The following ATF3 variants were observed in gnomAD, a reference collection of about 807,000 sequenced individuals.
The protein encoded by ATF3 is cyclic AMP-dependent transcription factor ATF-3.
In ATF3, 10 loss-of-function variants were observed where a neutral mutation model predicts 18.4. The observed-to-expected ratio is 0.54, with a 90% CI of 0.34 to 0.92. The LOEUF (loss-of-function observed/expected upper bound fraction) is 0.92. ATF3 is among the 40% of genes least tolerant of loss of function. ATF3 has a pLI of 0.02. For missense variants in ATF3, 183 were observed against 222.3 expected, an observed-to-expected ratio of 0.82 and a Z score of 1.12; for synonymous variants, 78 against 87.9, an observed-to-expected ratio of 0.89 and a Z score of 0.63.
At chr1:212,566,374 C>T (rs912745877) in intron 1 of ATF3, among the ~76,000 whole-genome samples, 3 of 152,126 alleles carry the variant, frequency 2.0e-5, no homozygotes, top group African/African-American at 7.2e-5. Context: ...CGACCTTGGA[C>T]AAGGACACCC....
At chr1:212,580,999 C>T (rs977405868) in intron 1 of ATF3, among the ~76,000 whole-genome samples, 5 of 152,180 alleles carry the variant, frequency 3.3e-5, no homozygotes, top group Non-Finnish European at 5.9e-5. Context: ...GGACTCCTGG[C>T]CTCAAGTGAT....
At chr1:212,597,445 ATC>A (rs1654320830) in intron 1 of ATF3, among the ~76,000 whole-genome samples, 3 of 151,854 alleles carry the variant, frequency 2.0e-5, no homozygotes, top group Admixed American at 6.6e-5. Context: ...CTATCTATCT[ATC>A]TATCATCTAT....
intron 1 of ATF3, among the ~76,000 whole-genome samples, chr1:212,609,908 A>C (rs139192555): frequency 2.6e-4 from 39 of 152,358 alleles, no homozygotes; most frequent in Non-Finnish European, 3.4e-4. Flanking sequence ...GTTGGAGGGC[A>C]CAATGCAGTG....
intron 1 of ATF3, among the ~76,000 whole-genome samples, chr1:212,611,735 GA>G (rs1273103945): frequency 2.0e-5 from 3 of 152,178 alleles, no homozygotes; most frequent in African/African-American, 7.2e-5. Context: ...TAGCTACTAG[GA>G]AATAAAAATC....
chr1:212,604,345 C>A (rs1468293665), upstream of ATF3, among the ~76,000 whole-genome samples: 1 of 152,142 alleles, frequency 6.6e-6, no homozygotes, highest in Non-Finnish European at 1.5e-5. Flanking sequence ...GATTCAATCT[C>A]TCAAATGGGA....
chr1:212,585,001 C>A (rs1664751568), intron 1 of ATF3, among the ~76,000 whole-genome samples: 1 of 152,198 alleles, frequency 6.6e-6, no homozygotes, highest in Non-Finnish European at 1.5e-5. Flanking sequence ...CCTGTGATCA[C>A]CTTATGGTGT....
intron 1 of ATF3, among the ~76,000 whole-genome samples, chr1:212,582,291 C>A (rs1664697123): frequency 6.6e-6 from 1 of 152,234 alleles, no homozygotes; most frequent in Admixed American, 6.5e-5. Flanking sequence ...TAGGAAGGAA[C>A]CAGGCCAGCC....
chr1:212,595,509 T>C (rs1479812358), intron 1 of ATF3, among the ~76,000 whole-genome samples: 1 of 152,226 alleles, frequency 6.6e-6, no homozygotes, highest in African/African-American at 2.4e-5. Context: ...GTCCCTGGCC[T>C]GGTTTGCTCT....
At chr1:212,578,952 C>T (rs1440830993) in intron 1 of ATF3, among the ~76,000 whole-genome samples, 2 of 151,728 alleles carry the variant, frequency 1.3e-5, no homozygotes, top group Admixed American at 6.6e-5. Flanking sequence ...TGTCCTTCCA[C>T]ACCCCTAGAC....
chr1:212,611,257 A>G (rs1234384369), intron 1 of ATF3, among the ~76,000 whole-genome samples: 7 of 152,070 alleles, frequency 4.6e-5, no homozygotes, highest in Non-Finnish European at 1.0e-4. Flanking sequence ...TGAGAGTACA[A>G]AAGAGGCTCT....
At chr1:212,603,730 G>A (rs949804757) in intron 1 of ATF3, among the ~76,000 whole-genome samples, 1 of 151,758 alleles carries the variant, frequency 6.6e-6, no homozygotes, top group Non-Finnish European at 1.5e-5. Context: ...CTTCTTGAGT[G>A]GTGAGTTCCT....
intron 1 of ATF3, among the ~76,000 whole-genome samples, chr1:212,570,624 C>T (rs1664463691): frequency 6.6e-6 from 1 of 152,226 alleles, no homozygotes; most frequent in Non-Finnish European, 1.5e-5. Context: ...AGCTGGTCCT[C>T]ACTCCTACTC....
intron 1 of ATF3, among the ~76,000 whole-genome samples, chr1:212,592,115 A>G (rs10863982): frequency 0.27 from 40,926 of 152,036 alleles, 6,127 homozygotes; most frequent in African/African-American, 0.41. Flanking sequence ...CATTTGCATC[A>G]TAAACTGAAA....
rs58925023 is a variant in ATF3 at position 212,601,824 on chromosome 1, C to T, written c.-4-13194C>T. On this transcript the variant is annotated intron_variant, in intron 1 of 3. Transcript: ENST00000366981. ...TGAGGGTCTAGACACTTTGGTGTCT[C>T]AGGTTTCCATATGACTTGGTAGCTT... 6.9e-3 allele frequency among the ~76,000 whole-genome samples: 1,045 copies of T among 152,168 alleles called. 11 individuals are homozygous for T. The highest frequency in any genetic ancestry group is 0.024 in the African/African-American group (1,007 of 41,514).
chr1:212,608,376 C>T (rs1278951703), upstream of ATF3, among the ~76,000 whole-genome samples: 1 of 152,184 alleles, frequency 6.6e-6, no homozygotes, highest in Non-Finnish European at 1.5e-5. Context: ...GATGCCAGCG[C>T]GGTGGAGTCA....
Position 212,620,124 on chromosome 1 carries a change from T to C in ATF3, c.*569T>C, listed in dbSNP as rs1655319475. On this transcript the variant is annotated 3_prime_UTR_variant, in exon 4 of 4. Transcript: ENST00000341491. ...ACACAACACTGATGTGACTTTTATA[T>C]GCTTTTTCTCAGATCTGGTTTCTAA... 6.3e-6 allele frequency: 1 copy of C among 157,610 alleles called. No homozygotes were observed. The highest frequency in any genetic ancestry group is 1.9e-4 in the South Asian group (1 of 5,340). The allele number at this position is 157,610 out of a possible 1,614,324, so 9.8% of individuals were successfully genotyped here.
At chr1:212,608,098 C>A (rs550917509), upstream of ATF3, among the ~76,000 whole-genome samples, 1 of 152,202 alleles carries the variant, frequency 6.6e-6, no homozygotes, top group African/African-American at 2.4e-5. Flanking sequence ...AGAGGTCACA[C>A]CCGGCGGGTA....
At chr1:212,573,238 A>T (rs1664516628) in intron 1 of ATF3, among the ~76,000 whole-genome samples, 1 of 152,114 alleles carries the variant, frequency 6.6e-6, no homozygotes, top group Non-Finnish European at 1.5e-5. Context: ...CTTAAAGATG[A>T]CTTTGACTGT....
intron 1 of ATF3, among the ~76,000 whole-genome samples, chr1:212,614,584 AAT>A (rs1293207992): frequency 9.3e-6 from 1 of 106,968 alleles, no homozygotes; most frequent in African/African-American, 3.3e-5. Flanking sequence ...TATTTTGAGT[AAT>A]ATACAAAAAA....
Sources: gnomAD v4.1 joint callset for allele counts (sites outside exome capture counted in the v4.1 genomes callset) on GRCh38, gnomAD v4.1.1 for gene constraint, MANE v1.5 for transcripts, NCBI Gene and HGNC (gene_info 2026-07-23, HGNC 2026-07-21) for gene names.